Variants in CFAP46 observed in about 807,000 individuals in gnomAD.
The protein encoded by CFAP46 is cilia- and flagella-associated protein 46.
In CFAP46, 245 loss-of-function variants were observed where a neutral mutation model predicts 325.7. The observed-to-expected ratio is 0.75, with a 90% CI of 0.68 to 0.84. The LOEUF (loss-of-function observed/expected upper bound fraction) is 0.84. CFAP46 is among the 40% of genes least tolerant of loss of function. CFAP46 has a pLI of 0.00. For synonymous variants in CFAP46, 1,523 were observed against 1,495.9 expected, an observed-to-expected ratio of 1.02 and a Z score of -0.42; for missense variants, 3,346 against 3,543.0, an observed-to-expected ratio of 0.94 and a Z score of 1.41.
intron 55 of CFAP46, among the ~76,000 whole-genome samples, chr10:132,812,418 G>A (rs1847599572): frequency 6.6e-6 from 1 of 152,200 alleles, no homozygotes; most frequent in African/African-American, 2.4e-5. Context: ...CCCTGAGGGA[G>A]GGGCCGTGAC....
At chr10:132,911,337 T>C (rs1158845988) in intron 19 of CFAP46, among the ~76,000 whole-genome samples, 1 of 152,174 alleles carries the variant, frequency 6.6e-6, no homozygotes, top group East Asian at 1.9e-4. Context: ...ACTGTGAGCG[T>C]TGTGAGTGCC....
chr10:132,869,190 G>T lies in CFAP46; in HGVS notation c.4610+84C>A. The T allele has an allele frequency of 1.7e-6, 2 of 1,146,488 alleles. No homozygotes were observed. Among genetic ancestry groups the T allele is most frequent in the Non-Finnish European group, 2.4e-6 (2 of 827,738 alleles). The allele number at this position is 1,146,488 out of a possible 1,614,324, so 71.0% of individuals were successfully genotyped here. On this transcript the variant is annotated intron_variant, in intron 33 of 57. Transcript: ENST00000368586. The surrounding 1 kb of genome is among the most constrained non-coding windows in gnomAD (Gnocchi z 6.2). ...CAGAGGGGCAGGAGTCCAGGGAAGA[G>T]GGTGGCCGCGCAGCTGGCTTTCACC...
Position 132,857,825 on chromosome 10 carries a change from T to A in CFAP46, c.5376-37A>T. On this transcript the variant is annotated intron_variant, in intron 38 of 57. Transcript: ENST00000368586. ...ATAAGAATGGAATTTTAAAACATTA[T>A]GTTATTATTACTAAATGTTTAATAT... 3 of 1,416,602 alleles carry A rather than the reference T, an allele frequency of 2.1e-6. No homozygotes were observed. In the South Asian group the frequency reaches 4.2e-5, roughly 20 times the overall value. The allele number at this position is 1,416,602 out of a possible 1,614,324, so 87.8% of individuals were successfully genotyped here.
chr10:132,881,624 C>T lies in CFAP46; in HGVS notation c.3628-592G>A, dbSNP rs1446907941. Among the ~76,000 whole-genome samples, 8 of 151,712 alleles carry T rather than the reference C, an allele frequency of 5.3e-5. No homozygotes were observed. In the East Asian group the frequency reaches 1.2e-3, roughly 22 times the overall value. ...CAGGGTTAGCCTGCACCGCACCCTC[C>T]GCAGCCCTGCGAGCCGGGGTTAGCC... On this transcript the variant is annotated intron_variant, in intron 27 of 57. Coordinates refer to ENST00000368586, the MANE Select transcript of CFAP46 (RefSeq NM_001200049.3).
intron 50 of CFAP46, among the ~76,000 whole-genome samples, chr10:132,825,902 G>A (rs1320796743): frequency 5.9e-4 from 90 of 152,284 alleles, no homozygotes; most frequent in Admixed American, 5.9e-3. Context: ...CAGACAGGGT[G>A]TCTGGTAACG....
At chr10:132,898,779 GC>G in intron 24 of CFAP46, 179 bp downstream of exon 24, 2 of 798,980 alleles carry the variant, frequency 2.5e-6, no homozygotes, top group Non-Finnish European at 4.2e-6. Flanking sequence ...TCCAGCAGGG[GC>G]CCCCGCAGTG....
rs1848866344 is a variant in CFAP46, at chr10:132,869,482, A to C, written c.4512-110T>G. 1 of 648,624 alleles carries C rather than the reference A, an allele frequency of 1.5e-6. No individual in the cohort carries two copies. Among genetic ancestry groups the C allele is most frequent in the African/African-American group, 1.9e-5 (1 of 53,398 alleles). 40.2% of individuals were successfully genotyped at this position (648,624 alleles called of 1,614,324 possible). A position where few individuals can be genotyped will look rare whatever the true frequency, so the allele number is the denominator to read the frequency against. ...ACGGTCAACTAACACATCGAGGCAC[A>C]CTTGGATGGTATTTTCAATCATTTT... On this transcript the variant is annotated intron_variant, in intron 32 of 57. Coordinates refer to ENST00000368586, the MANE Select transcript of CFAP46 (RefSeq NM_001200049.3). The surrounding 1 kb of genome is among the most constrained non-coding windows in gnomAD (Gnocchi z 6.2).
chr10:132,907,068 G>C (rs973876402), intron 22 of CFAP46, among the ~76,000 whole-genome samples: 1 of 152,282 alleles, frequency 6.6e-6, no homozygotes, highest in African/African-American at 2.4e-5. Context: ...GGGTGTGGCC[G>C]ACACAGGCCC....
rs542318986 is a variant in CFAP46 at position 132,827,356 on chromosome 10, G to A, written c.7117+6002C>T. Among the ~76,000 whole-genome samples the A allele has an allele frequency of 9.9e-5, 15 of 152,232 alleles. No homozygotes were observed. Among genetic ancestry groups the A allele is most frequent in the Admixed American group, 5.2e-4 (8 of 15,294 alleles). Reference sequence around the variant, plus strand: ...ACGCCGACTGCTGTGGGAGCTCCTGGGCCTGGAGGAGCCTCCCTGGGACAC... The same window carrying A: ...ACGCCGACTGCTGTGGGAGCTCCTGAGCCTGGAGGAGCCTCCCTGGGACAC... On this transcript the variant is annotated intron_variant, in intron 50 of 57. Coordinates refer to ENST00000368586, the MANE Select transcript of CFAP46 (RefSeq NM_001200049.3). This position sits in a 1 kb window ranked among gnomAD's most constrained non-coding sequence, Gnocchi z 5.7.
chr10:132,912,539 TC>T (rs1849564101), intron 19 of CFAP46, 115 bp downstream of exon 19: 2 of 697,058 alleles, frequency 2.9e-6, no homozygotes, highest in Non-Finnish European at 4.0e-6. Context: ...CTCTCTCCTC[TC>T]CTCTCTCTCT....
chr10:132,926,834 C>T lies in CFAP46; in HGVS notation c.967-168G>A, dbSNP rs541676068. Among the ~76,000 whole-genome samples, 9 of 152,322 alleles carry T rather than the reference C, an allele frequency of 5.9e-5. No individual in the cohort carries two copies. In the South Asian group the frequency reaches 1.0e-3, roughly 18 times the overall value. On this transcript the variant is annotated intron_variant, in intron 9 of 57. Coordinates refer to ENST00000368586, the MANE Select transcript of CFAP46 (RefSeq NM_001200049.3). ...GACGCAGAGGTTTAAGTGAGGAAGC[C>T]GTGTTTTCAGCTACACCAACTCCTT...
At chr10:132,835,825 T>C (rs4880435) in intron 46 of CFAP46, among the ~76,000 whole-genome samples, 42,853 of 149,696 alleles carry the variant, frequency 0.29, 6,310 homozygotes, top group Admixed American at 0.33. Flanking sequence ...GCACAGTGGG[T>C]ATCAGCTCTG....
chr10:132,892,254 G>T, intron 25 of CFAP46, 79 bp downstream of exon 25: 1 of 1,344,892 alleles, frequency 7.4e-7, no homozygotes, highest in Non-Finnish European at 1.0e-6. Context: ...GAATTTAAAA[G>T]CACCACGTTT....
At position 132,808,589 on chromosome 10, in the gene CFAP46, G is replaced by A. The variant is rs772053594; in HGVS notation, c.7980C>T (p.Ala2660=). ...DPPPATSRKA[A]AWTSSSACLC... ...GGCAGGCAGAGCTCGAGGTCCAGGC[G>A]GCTGCCTTGCGGGAAGTCGCTGGGG... The change falls in exon 58 of 58, where the codon GCC becomes GCT. Residue 2660 remains alanine (A), a synonymous_variant. Transcript: ENST00000368586. This position sits in a 1 kb window ranked among gnomAD's most constrained non-coding sequence, Gnocchi z 6.8. 208 of 1,612,468 alleles carry A rather than the reference G, an allele frequency of 1.3e-4. 3 individuals carry two copies. In the South Asian group the frequency reaches 1.6e-3, roughly 13 times the overall value.
At chr10:132,872,655 C>T (rs1249369920) in intron 32 of CFAP46, 21 bp downstream of exon 32, 42 of 1,550,308 alleles carry the variant, frequency 2.7e-5, no homozygotes, top group Middle Eastern at 1.7e-4. Flanking sequence ...AATCACACTC[C>T]GAAAAAGGAG....
chr10:132,920,770 C>T (rs943314861), intron 13 of CFAP46, among the ~76,000 whole-genome samples: 2 of 152,218 alleles, frequency 1.3e-5, no homozygotes, highest in South Asian at 4.1e-4. Flanking sequence ...TCCCCTGGAG[C>T]CCGTGCCGCC....
At chr10:132,916,464 TC>T in intron 17 of CFAP46, 84 bp downstream of exon 17, 1 of 1,399,980 alleles carries the variant, frequency 7.1e-7, no homozygotes, top group Non-Finnish European at 9.5e-7. Context: ...GCAAAGGGTG[TC>T]CCTCCCCACG....
chr10:132,835,456 C>A, intron 46 of CFAP46, 22 bp from the exon 47 acceptor site: 3 of 1,613,006 alleles, frequency 1.9e-6, no homozygotes, highest in South Asian at 2.2e-5. Context: ...TGGACACACC[C>A]TCTGTCGCTG....
intron 24 of CFAP46, among the ~76,000 whole-genome samples, chr10:132,898,256 A>C (rs1286576957): frequency 6.6e-6 from 1 of 152,160 alleles, no homozygotes; most frequent in East Asian, 1.9e-4. Context: ...GTGAGCCAGG[A>C]GCACGAAGCC....
Sources: allele counts gnomAD v4.1 joint callset (sites outside exome capture counted in the v4.1 genomes callset), GRCh38; gene constraint gnomAD v4.1.1; non-coding constraint Gnocchi (gnomAD v3.1); transcripts MANE v1.5; gene names NCBI Gene and HGNC (gene_info 2026-07-23, HGNC 2026-07-21).